The following MMP26 variants were observed in gnomAD, a reference collection of about 807,000 sequenced individuals.
The protein encoded by MMP26 is matrix metallopeptidase 26.
In MMP26, 33 loss-of-function variants were observed where a neutral mutation model predicts 31.0. The observed-to-expected ratio is 1.06, with a 90% CI of 0.81 to 1.42. The LOEUF is 1.42. MMP26 is among the 40% of genes most tolerant of loss of function. The pLI, the probability that MMP26 is intolerant of heterozygous loss-of-function variation, is 0.00. For synonymous variants in MMP26, 122 were observed against 114.9 expected, an observed-to-expected ratio of 1.06 and a Z score of -0.40; for missense variants, 347 against 316.1, an observed-to-expected ratio of 1.10 and a Z score of -0.74.
At chr11:4,855,415 C>T (rs772680777) in intron 2 of MMP26, among the ~76,000 whole-genome samples, 5 of 152,104 alleles carry the variant, frequency 3.3e-5, no homozygotes, top group Non-Finnish European at 5.9e-5. Flanking sequence ...ACGAGAACTA[C>T]GTGATGCATG....
intron 1 of MMP26, among the ~76,000 whole-genome samples, chr11:4,732,839 C>T (rs1020980037): frequency 1.1e-4 from 17 of 152,298 alleles, no homozygotes; most frequent in African/African-American, 3.8e-4. Context: ...TGCATGGTTC[C>T]ATCACATTTT....
chr11:4,822,968 G>A (rs908350912), intron 2 of MMP26, among the ~76,000 whole-genome samples: 5 of 152,034 alleles, frequency 3.3e-5, no homozygotes, highest in South Asian at 2.1e-4. Flanking sequence ...TTAAAAGTTG[G>A]TAATTACATT....
chr11:4,951,942 TA>T (rs1846377890), intron 2 of MMP26, among the ~76,000 whole-genome samples: 1 of 124,906 alleles, frequency 8.0e-6, no homozygotes, highest in Admixed American at 8.9e-5. Flanking sequence ...CTGAAGCATG[TA>T]AGTTAGCGGT....
chr11:4,963,408 T>A (rs6578537), intron 2 of MMP26, among the ~76,000 whole-genome samples: 88,980 of 151,918 alleles, frequency 0.59, 26,733 homozygotes, highest in African/African-American at 0.69. Flanking sequence ...TGGAACCAAA[T>A]AAGAGCCCAT....
At chr11:4,769,776 G>A (rs768888629) in intron 2 of MMP26, 2 of 1,613,848 alleles carry the variant, frequency 1.2e-6, no homozygotes, top group East Asian at 4.5e-5. Context: ...ATGACAAACA[G>A]GATCACGCTG....
chr11:4,991,559 G>A, intron 6 of MMP26, 63 bp downstream of exon 6: 1 of 1,585,478 alleles, frequency 6.3e-7, no homozygotes, highest in Non-Finnish European at 8.6e-7. Context: ...AGTGTTGATG[G>A]TTTCCATTTA....
intron 2 of MMP26, among the ~76,000 whole-genome samples, chr11:4,974,870 C>T (rs970423311): frequency 5.3e-5 from 8 of 152,016 alleles, no homozygotes; most frequent in Non-Finnish European, 1.2e-4. Context: ...AACCAAACAC[C>T]GCATGTTCTC....
intron 2 of MMP26, among the ~76,000 whole-genome samples, chr11:4,770,857 A>G (rs1280729101): frequency 6.6e-6 from 1 of 152,152 alleles, no homozygotes; most frequent in African/African-American, 2.4e-5. Flanking sequence ...GAAGAAAAAA[A>G]AAAAACATGG....
At chr11:4,809,182 C>G (rs77549103) in intron 2 of MMP26, among the ~76,000 whole-genome samples, 1 of 152,026 alleles carries the variant, frequency 6.6e-6, no homozygotes, top group Non-Finnish European at 1.5e-5. Context: ...AAATCTGTTC[C>G]CCTCCACAGG....
At chr11:4,803,464 AC>A in intron 2 of MMP26, 1 of 1,612,028 alleles carries the variant, frequency 6.2e-7, no homozygotes, top group Non-Finnish European at 8.5e-7. Context: ...TCCTTGGATA[AC>A]CCTGTCCCCG....
intron 2 of MMP26, among the ~76,000 whole-genome samples, chr11:4,836,651 CTTTTTTT>C (rs71480270): frequency 4.2e-5 from 4 of 95,982 alleles, no homozygotes; most frequent in African/African-American, 4.5e-5. Flanking sequence ...TCAAAGACAT[CTTTTTTT>C]TTTTTTTTTT....
At chr11:4,942,914 T>A (rs72858195) in intron 2 of MMP26, 19,554 of 152,304 alleles carry the variant, frequency 0.13, 1,460 homozygotes, top group Middle Eastern at 0.28. Flanking sequence ...TATTAAAGAA[T>A]ATTTTTTCAT....
chr11:4,789,052 A>G (rs1370751464), intron 2 of MMP26, among the ~76,000 whole-genome samples: 1 of 152,196 alleles, frequency 6.6e-6, no homozygotes, highest in African/African-American at 2.4e-5. Context: ...GGGTAAGTGG[A>G]AGTAAAGGAT....
intron 2 of MMP26, among the ~76,000 whole-genome samples, chr11:4,898,273 A>G (rs1850743292): frequency 6.6e-6 from 1 of 151,946 alleles, no homozygotes; most frequent in Non-Finnish European, 1.5e-5. Context: ...TTTTCATGAG[A>G]CATTGGCTGT....
intron 2 of MMP26, among the ~76,000 whole-genome samples, chr11:4,888,377 C>T (rs1428927773): frequency 1.3e-5 from 2 of 151,958 alleles, no homozygotes; most frequent in Non-Finnish European, 2.9e-5. Flanking sequence ...ATATTGAATA[C>T]TATATTGTTA....
intron 2 of MMP26, among the ~76,000 whole-genome samples, chr11:4,969,024 C>A (rs1030319453): frequency 2.0e-5 from 3 of 151,890 alleles, no homozygotes; most frequent in Non-Finnish European, 4.4e-5. Context: ...GAGTTGTTTT[C>A]CTTATTATTT....
At chr11:4,726,337 C>A (rs2133279824) in intron 1 of MMP26, among the ~76,000 whole-genome samples, 1 of 151,530 alleles carries the variant, frequency 6.6e-6, no homozygotes, top group South Asian at 2.1e-4. Context: ...GTGGCATGTG[C>A]CTGTAGTCCC....
intron 2 of MMP26, among the ~76,000 whole-genome samples, chr11:4,982,656 G>A (rs1846830432): frequency 6.6e-6 from 1 of 152,190 alleles, no homozygotes; most frequent in African/African-American, 2.4e-5. Context: ...TTGATAAGTA[G>A]TATACTTATC....
intron 2 of MMP26, chr11:4,919,248 C>G (rs189030971): frequency 6.6e-6 from 1 of 152,300 alleles, no homozygotes; most frequent in African/African-American, 2.4e-5. Flanking sequence ...CTCCAAAGCT[C>G]GGGCTCAGCC....
Sources: allele counts gnomAD v4.1 joint callset (sites outside exome capture counted in the v4.1 genomes callset), GRCh38; gene constraint gnomAD v4.1.1; transcripts MANE v1.5; gene names NCBI Gene and HGNC (gene_info 2026-07-23, HGNC 2026-07-21).